The following CYCS variants were observed in gnomAD, a reference collection of about 807,000 sequenced individuals.
CYCS encodes the protein cytochrome c.
For missense variants in CYCS, 87 were observed against 125.3 expected (o/e 0.69, Z 1.46); for synonymous variants, 41 against 43.0 (o/e 0.95, Z 0.18).
At position 25,123,147 on chromosome 7, in the gene CYCS, C is replaced by A. The variant is rs1409458910; in HGVS notation, c.*554G>T. 6.3e-6 allele frequency: 1 copy of A among 159,838 alleles called. No homozygotes were observed. Among genetic ancestry groups the A allele is most frequent in the Admixed American group, 5.9e-5 (1 of 16,868 alleles). The allele number at this position is 159,838 out of a possible 1,614,324, so 9.9% of individuals were successfully genotyped here. On this transcript the variant is annotated 3_prime_UTR_variant, in exon 3 of 3. Transcript: ENST00000305786. Reference sequence around the variant, plus strand: ...ATTACACATAAACCACACTAAAATGCCTTTCAATAAGTAAAAGAAACCATT... The same window carrying A: ...ATTACACATAAACCACACTAAAATGACTTTCAATAAGTAAAAGAAACCATT...
At position 25,119,037 on chromosome 7, in the gene CYCS, T is replaced by C. The variant is rs1483162884; in HGVS notation, c.*4664A>G. On this transcript the variant is annotated 3_prime_UTR_variant, in exon 3 of 3. Coordinates refer to ENST00000305786, the MANE Select transcript of CYCS (RefSeq NM_018947.6). The stretch of plus-strand genomic sequence containing the variant: ...AAGGATATGAACACCAGGACAATGG[T>C]TATTCTGAGGCACAGAAAATACAGC... 6.6e-6 allele frequency among the ~76,000 whole-genome samples: 1 copy of C among 152,160 alleles called. No individual in the cohort carries two copies. Among genetic ancestry groups the C allele is most frequent in the Non-Finnish European group, 1.5e-5 (1 of 68,026 alleles).
chr7:25,121,100 G>A lies in CYCS; in HGVS notation c.*2601C>T, dbSNP rs1033494082. The A allele has an allele frequency of 6.6e-6, 1 of 151,906 alleles. No homozygotes were observed. Among genetic ancestry groups the A allele is most frequent in the Non-Finnish European group, 1.5e-5 (1 of 68,022 alleles). 9.4% of individuals were successfully genotyped at this position (151,906 alleles called of 1,614,324 possible). ...GATCACGCCATTGCACTCCAGCCTGGGCAACAAGAGTGAAATTATCTCAAA... is the reference window on the plus strand; with the variant it reads ...GATCACGCCATTGCACTCCAGCCTGAGCAACAAGAGTGAAATTATCTCAAA... On this transcript the variant is annotated 3_prime_UTR_variant, in exon 3 of 3. Transcript: ENST00000305786.
At position 25,123,639 on chromosome 7, in the gene CYCS, G is replaced by A; in HGVS notation, c.*62C>T. 7.3e-7 allele frequency: 1 copy of A among 1,378,920 alleles called. No individual in the cohort carries two copies. Among genetic ancestry groups the A allele is most frequent in the Non-Finnish European group, 1.0e-6 (1 of 981,484 alleles). 85.4% of individuals were successfully genotyped at this position (1,378,920 alleles called of 1,614,324 possible). On this transcript the variant is annotated 3_prime_UTR_variant, in exon 3 of 3. Coordinates refer to ENST00000305786, the MANE Select transcript of CYCS (RefSeq NM_018947.6). ...TGGTGTATGAGATCTATTAAAGGAT[G>A]GTACACATAAAAAAGTCATGAGACA...
In CYCS at chr7:25,119,138, G is replaced by T. The variant is rs1783319067; in HGVS notation, c.*4563C>A. Among the ~76,000 whole-genome samples, 1 of 152,148 alleles carries T rather than the reference G, an allele frequency of 6.6e-6. No homozygotes were observed. The highest frequency in any genetic ancestry group is 1.5e-5 in the Non-Finnish European group (1 of 68,024). On this transcript the variant is annotated 3_prime_UTR_variant, in exon 3 of 3. Coordinates refer to ENST00000305786, the MANE Select transcript of CYCS (RefSeq NM_018947.6). ...TGGGAGACAAAGTTTCTGGTCAGGT[G>T]TATTTGTATACTTCATCAGGCATAT...
rs1324920199 is a variant in CYCS at position 25,123,474 on chromosome 7, A to T, written c.*227T>A. The T allele has an allele frequency of 1.1e-5, 6 of 535,180 alleles. No homozygotes were observed. The highest frequency in any genetic ancestry group is 2.0e-5 in the Non-Finnish European group (6 of 298,016). 33.2% of individuals were successfully genotyped at this position (535,180 alleles called of 1,614,324 possible). On this transcript the variant is annotated 3_prime_UTR_variant, in exon 3 of 3. Coordinates refer to ENST00000305786, the MANE Select transcript of CYCS (RefSeq NM_018947.6). The stretch of plus-strand genomic sequence containing the variant: ...GTCTAATCATATCTTTAAAAGGGGT[A>T]AACAGTGATACCATTTACTGAATTG...
chr7:25,123,572 T>C lies in CYCS; in HGVS notation c.*129A>G, dbSNP rs955023293. On this transcript the variant is annotated 3_prime_UTR_variant, in exon 3 of 3. Transcript: ENST00000305786. Reference sequence around the variant, plus strand: ...GCCAGTCTTAGTTTTAAATCAGGACTGCCCAACAAAATATTCTGTCAGTCA... The same window carrying C: ...GCCAGTCTTAGTTTTAAATCAGGACCGCCCAACAAAATATTCTGTCAGTCA... 4 of 848,906 alleles carry C rather than the reference T, an allele frequency of 4.7e-6. No homozygotes were observed. Among genetic ancestry groups the C allele is most frequent in the African/African-American group, 1.7e-5 (1 of 59,614 alleles). 52.6% of individuals were successfully genotyped at this position (848,906 alleles called of 1,614,324 possible). A position where few individuals can be genotyped will look rare whatever the true frequency, so the allele number is the denominator to read the frequency against.
At chr7:25,124,910 T>A (rs943932623) in intron 1 of CYCS, 2 of 152,546 alleles carry the variant, frequency 1.3e-5, no homozygotes, top group African/African-American at 2.4e-5. Flanking sequence ...ATCATTTCCA[T>A]AGCCCTTCAG....
chr7:25,121,164 C>T lies in CYCS; in HGVS notation c.*2537G>A, dbSNP rs183143339. The T allele has an allele frequency of 6.6e-6, 1 of 152,196 alleles. No homozygotes were observed. The highest frequency in any genetic ancestry group is 6.5e-5 in the Admixed American group (1 of 15,288). 9.4% of individuals were successfully genotyped at this position (152,196 alleles called of 1,614,324 possible). On this transcript the variant is annotated 3_prime_UTR_variant, in exon 3 of 3. Transcript: ENST00000305786. ...AAAAGTTACAGAATCACATTTTAAA[C>T]CACCAGAAGTGCTTGGGTATAACTG...
In CYCS at chr7:25,123,314, G is replaced by A. The variant is rs1207682833; in HGVS notation, c.*387C>T. On this transcript the variant is annotated 3_prime_UTR_variant, in exon 3 of 3. Coordinates refer to ENST00000305786, the MANE Select transcript of CYCS (RefSeq NM_018947.6). ...ACAGGTGAATCTTGCTTGGTTCTAA[G>A]ACAGTGAAGCAATTTCCCCAGTATT... 4 of 291,444 alleles carry A rather than the reference G, an allele frequency of 1.4e-5. No individual in the cohort carries two copies. The highest frequency in any genetic ancestry group is 2.7e-5 in the Non-Finnish European group (4 of 150,258). The allele number at this position is 291,444 out of a possible 1,614,324, so 18.1% of individuals were successfully genotyped here.
rs771002682 is a variant in CYCS, at chr7:25,123,963, T to C, written c.157A>G (p.Asn53Asp). Reference protein sequence around the residue: ...QAPGYSYTAANKNKGIIWGED... With the variant: ...QAPGYSYTAADKNKGIIWGED... Reference sequence around the variant, plus strand: ...AAGTGACTCTTACCTTTGTTCTTATTGGCGGCTGTGTAAGAGTATCCAGGG... The same window carrying C: ...AAGTGACTCTTACCTTTGTTCTTATCGGCGGCTGTGTAAGAGTATCCAGGG... The change falls in exon 2 of 3, where the codon AAT becomes GAT. Residue 53 changes from asparagine to aspartate, a missense_variant. Transcript: ENST00000305786. The C allele has an allele frequency of 6.2e-7, 1 of 1,614,220 alleles. No homozygotes were observed. The highest frequency in any genetic ancestry group is 8.5e-7 in the Non-Finnish European group (1 of 1,180,032).
Position 25,120,298 on chromosome 7 carries a change from C to T in CYCS, c.*3403G>A. 6.6e-6 allele frequency: 1 copy of T among 152,228 alleles called. No homozygotes were observed. The highest frequency in any genetic ancestry group is 1.9e-4 in the East Asian group (1 of 5,194). The allele number at this position is 152,228 out of a possible 1,614,324, so 9.4% of individuals were successfully genotyped here. ...ACAGGGTTTCGCCATGTTGACCAGG[C>T]TGGTCTCAAACGCCTGACCTCAAGT... On this transcript the variant is annotated 3_prime_UTR_variant, in exon 3 of 3. Transcript: ENST00000305786.
Position 25,119,714 on chromosome 7 carries a change from A to G in CYCS, c.*3987T>C, listed in dbSNP as rs969146816. Among the ~76,000 whole-genome samples, 4 of 152,182 alleles carry G rather than the reference A, an allele frequency of 2.6e-5. No homozygotes were observed. The highest frequency in any genetic ancestry group is 1.3e-4 in the Admixed American group (2 of 15,274). On this transcript the variant is annotated 3_prime_UTR_variant, in exon 3 of 3. Transcript: ENST00000305786. ...CTCCTGCCTCAGAGTGGCTGGGACT[A>G]CAGGTGTGCACCACGACGCCCAGTT...
chr7:25,122,070 A>G lies in CYCS; in HGVS notation c.*1631T>C, dbSNP rs554231347. On this transcript the variant is annotated 3_prime_UTR_variant, in exon 3 of 3. Transcript: ENST00000305786. ...CTAGCCTTCACTTCAGGTCTTTCTCATTAGTCCAGAATTGTCCCCTTGTAA... is the reference window on the plus strand; with the variant it reads ...CTAGCCTTCACTTCAGGTCTTTCTCGTTAGTCCAGAATTGTCCCCTTGTAA... The G allele has an allele frequency of 6.6e-6, 1 of 151,460 alleles. No homozygotes were observed. Among genetic ancestry groups the G allele is most frequent in the East Asian group, 1.9e-4 (1 of 5,164 alleles). 9.4% of individuals were successfully genotyped at this position (151,460 alleles called of 1,614,324 possible).
rs1424548938 is a variant in CYCS, at chr7:25,119,593, A to G, written c.*4108T>C. On this transcript the variant is annotated 3_prime_UTR_variant, in exon 3 of 3. Transcript: ENST00000305786. ...ACCCAGACCACTTTTTTTTTTTTTA[A>G]AAGAGATGGAGTTTCCTTTATCTGT... Among the ~76,000 whole-genome samples, 1 of 125,620 alleles carries G rather than the reference A, an allele frequency of 8.0e-6. No homozygotes were observed. The highest frequency in any genetic ancestry group is 2.7e-4 in the East Asian group (1 of 3,746). The allele number at this position is 125,620 out of a possible 152,430, so 82.4% of individuals were successfully genotyped here.
rs576113758 is a variant in CYCS, at chr7:25,119,732, G to A, written c.*3969C>T. Among the ~76,000 whole-genome samples the A allele has an allele frequency of 4.6e-5, 7 of 152,244 alleles. No homozygotes were observed. The East Asian group carries it at 5.8e-4, about 13-fold the overall frequency. ...TGGGACTACAGGTGTGCACCACGACGCCCAGTTATCTAGTTTACTCTTACC... is the reference window on the plus strand; with the variant it reads ...TGGGACTACAGGTGTGCACCACGACACCCAGTTATCTAGTTTACTCTTACC... On this transcript the variant is annotated 3_prime_UTR_variant, in exon 3 of 3. Transcript: ENST00000305786.
chr7:25,125,137 G>C (rs1783426903), intron 1 of CYCS, 63 bp downstream of exon 1: 1 of 152,794 alleles, frequency 6.5e-6, no homozygotes, highest in Admixed American at 6.5e-5. Flanking sequence ...TCGGTCGCTC[G>C]CAAGTGCGCG....
At chr7:25,124,344 GTAT>G (rs1228363248) in intron 1 of CYCS, among the ~76,000 whole-genome samples, 1 of 152,054 alleles carries the variant, frequency 6.6e-6, no homozygotes, top group Non-Finnish European at 1.5e-5. Flanking sequence ...ATTTTTGTGT[GTAT>G]ACGTGAAGGA....
At chr7:25,124,229 T>C in intron 1 of CYCS, 102 bp from the exon 2 acceptor site, 4 of 854,696 alleles carry the variant, frequency 4.7e-6, no homozygotes, top group Non-Finnish European at 7.7e-6. Context: ...CATTGCTAAT[T>C]TATGTCATTA....
intron 2 of CYCS, 21 bp downstream of exon 2, chr7:25,123,930 T>A (rs1783401101): frequency 6.2e-7 from 1 of 1,614,212 alleles, no homozygotes; most frequent in Non-Finnish European, 8.5e-7. Context: ...TGTGTTGTTT[T>A]ATTTAACAAG....
Sources: gnomAD v4.1 joint callset for allele counts (sites outside exome capture counted in the v4.1 genomes callset) on GRCh38, gnomAD v4.1.1 for gene constraint, MANE v1.5 for transcripts, NCBI Gene and HGNC (gene_info 2026-07-23, HGNC 2026-07-21) for gene names.